The following DGKH variants were observed in gnomAD, a reference collection of about 807,000 sequenced individuals.
DGKH encodes the protein diacylglycerol kinase eta, also known as DAG kinase eta.
DGKH carries 90 observed loss-of-function variants against 159.3 expected under a neutral mutation model. The ratio of observed to expected loss-of-function variants is 0.57; its 90% confidence interval spans 0.48 to 0.67. The LOEUF (loss-of-function observed/expected upper bound fraction) is 0.67, where lower values mean the gene tolerates loss of function less well. Among genes scored for constraint, DGKH ranks in the 30% least tolerant of loss-of-function variants. The pLI, the probability that DGKH is intolerant of heterozygous loss-of-function variation, is 0.00. For missense variants in DGKH, 1,181 were observed against 1,506.1 expected, an observed-to-expected ratio of 0.78 and a Z score of 3.57; for synonymous variants, 536 against 553.8, an observed-to-expected ratio of 0.97 and a Z score of 0.45.
intron 11 of DGKH, among the ~76,000 whole-genome samples, chr13:42,170,366 T>C (rs755881879): frequency 4.6e-5 from 7 of 152,036 alleles, no homozygotes; most frequent in Non-Finnish European, 8.8e-5. Flanking sequence ...TGAGCCACAA[T>C]TGCACCACTG....
chr13:42,255,743 A>C, intron 30 of DGKH: 1 of 414,740 alleles, frequency 2.4e-6, no homozygotes, highest in Non-Finnish European at 4.3e-6. Flanking sequence ...ACATGTGGGA[A>C]GCAAAACTGC....
At position 42,215,661 on chromosome 13, in the gene DGKH, T is replaced by C; in HGVS notation, c.3207T>C (p.Val1069=). 1 of 1,609,018 alleles carries C rather than the reference T, an allele frequency of 6.2e-7. No individual in the cohort carries two copies. Among genetic ancestry groups the C allele is most frequent in the Non-Finnish European group, 8.5e-7 (1 of 1,177,016 alleles). The part of the protein sequence containing the change: ...NETESLLVGR[V]PLQLESPHEE... ...CAGAATCTTTGCTAGTTGGCAGGGT[T>C]CCTTTGGTAAGGAAAAGAATGACTG... is the stretch of plus-strand genomic sequence containing the variant. The change falls in exon 26 of 30, where the codon GTT becomes GTC. Residue 1069 remains valine, a synonymous_variant. Transcript: ENST00000337343.
intron 1 of DGKH, among the ~76,000 whole-genome samples, chr13:42,050,431 A>G (rs1881189964): frequency 6.6e-6 from 1 of 152,226 alleles, no homozygotes; most frequent in African/African-American, 2.4e-5. Context: ...AGAACAACAC[A>G]CAAGAACAAC....
intron 20 of DGKH, among the ~76,000 whole-genome samples, chr13:42,202,628 A>C (rs1188230456): frequency 6.6e-6 from 1 of 152,226 alleles, no homozygotes; most frequent in Non-Finnish European, 1.5e-5. Flanking sequence ...GAACTGTACA[A>C]ATGCAAACTT....
At chr13:42,060,965 A>G (rs1882111394) in intron 1 of DGKH, among the ~76,000 whole-genome samples, 2 of 152,174 alleles carry the variant, frequency 1.3e-5, no homozygotes, top group Non-Finnish European at 2.9e-5. Context: ...GTCACACTCC[A>G]GGAAAACTTA....
intron 20 of DGKH, among the ~76,000 whole-genome samples, chr13:42,203,785 A>G (rs1957399259): frequency 6.6e-6 from 1 of 152,110 alleles, no homozygotes; most frequent in African/African-American, 2.4e-5. Flanking sequence ...GTAAGCTGTG[A>G]TGGCACCACT....
At chr13:42,156,215 A>C (rs1044316797) in intron 5 of DGKH, among the ~76,000 whole-genome samples, 3 of 151,892 alleles carry the variant, frequency 2.0e-5, no homozygotes, top group African/African-American at 4.8e-5. Flanking sequence ...TTTCCTTAAA[A>C]TTTTCTAAAA....
At position 42,168,691 on chromosome 13, in the gene DGKH, G is replaced by A; in HGVS notation, c.1240G>A (p.Val414Met). Residue 414 changes from valine (V) to methionine (M), a missense_variant, in exon 11 of 30, where the codon GTG becomes ATG. Val to Met is a conservative substitution (Grantham distance 21). Coordinates refer to ENST00000337343, the MANE Select transcript of DGKH (RefSeq NM_178009.5). ...CACTGTCTTTCAGTGTCAGCTGGGA[G>A]TGTTGCCTTTGGGTACAGGAAATGA... ...LNLNKQCQLG[V>M]LPLGTGNDLA... 1 of 1,614,216 alleles carries A rather than the reference G, an allele frequency of 6.2e-7. No individual in the cohort carries two copies. The highest frequency in any genetic ancestry group is 8.5e-7 in the Non-Finnish European group (1 of 1,180,026).
At chr13:42,181,245 C>T (rs1956752001) in intron 13 of DGKH, among the ~76,000 whole-genome samples, 1 of 145,970 alleles carries the variant, frequency 6.9e-6, no homozygotes, top group Admixed American at 7.1e-5. Flanking sequence ...CCACTGCACT[C>T]CCGCCTGGGC....
chr13:42,148,262 C>T (rs775531070), intron 3 of DGKH, among the ~76,000 whole-genome samples: 26 of 152,164 alleles, frequency 1.7e-4, no homozygotes, highest in Non-Finnish European at 2.8e-4. Context: ...GATGATATAC[C>T]TGGCCTGTTA....
At chr13:42,160,577 A>G (rs1448549351) in intron 7 of DGKH, among the ~76,000 whole-genome samples, 4 of 152,172 alleles carry the variant, frequency 2.6e-5, no homozygotes, top group Admixed American at 6.5e-5. Flanking sequence ...ACAGCTGATT[A>G]TTTATGCCAG....
intron 1 of DGKH, among the ~76,000 whole-genome samples, chr13:42,087,292 A>C (rs1224298454): frequency 6.6e-6 from 1 of 152,218 alleles, no homozygotes. Context: ...AGTAAGCCTG[A>C]AATGAATTTA....
At chr13:42,040,896 A>C (rs1880455224) in intron 1 of DGKH, among the ~76,000 whole-genome samples, 1 of 147,692 alleles carries the variant, frequency 6.8e-6, no homozygotes. Flanking sequence ...GAGCCTCAGC[A>C]CGTGCGCCCC....
At chr13:42,063,917 C>T (rs1229819608) in intron 1 of DGKH, among the ~76,000 whole-genome samples, 2 of 138,936 alleles carry the variant, frequency 1.4e-5, no homozygotes, top group Admixed American at 7.6e-5. Context: ...CCAGCCTGGG[C>T]AACAAGAGCA....
chr13:42,100,584 C>T (rs1015953358), intron 1 of DGKH, among the ~76,000 whole-genome samples: 21 of 152,022 alleles, frequency 1.4e-4, no homozygotes, highest in Non-Finnish European at 2.6e-4. Context: ...TGGAAAAATG[C>T]GTGGATTTTA....
At chr13:42,088,221 A>C (rs139831452) in intron 1 of DGKH, among the ~76,000 whole-genome samples, 1 of 152,160 alleles carries the variant, frequency 6.6e-6, no homozygotes, top group Non-Finnish European at 1.5e-5. Flanking sequence ...ACAAACAAAA[A>C]CTGTGAGAAT....
chr13:42,199,995 T>C, intron 20 of DGKH, 86 bp downstream of exon 20: 1 of 1,105,026 alleles, frequency 9.0e-7, no homozygotes, highest in Non-Finnish European at 1.3e-6. Flanking sequence ...TAAATGCGTT[T>C]TGATTAGCAA....
chr13:42,044,452 G>A (rs550992291), upstream of DGKH, among the ~76,000 whole-genome samples: 4 of 152,074 alleles, frequency 2.6e-5, no homozygotes, highest in Non-Finnish European at 5.9e-5. Context: ...ACCATGCCTG[G>A]CTAATTCTTT....
At chr13:42,069,135 C>T in intron 1 of DGKH, 1 of 1,400,946 alleles carries the variant, frequency 7.1e-7, no homozygotes, top group Non-Finnish European at 1.0e-6. Flanking sequence ...TCATTTCTCT[C>T]TCCCCAAGCT....
Sources: gnomAD v4.1 joint callset for allele counts (sites outside exome capture counted in the v4.1 genomes callset) on GRCh38, gnomAD v4.1.1 for gene constraint, MANE v1.5 for transcripts, NCBI Gene and HGNC (gene_info 2026-07-23, HGNC 2026-07-21) for gene names.